FAF2: variants seen among roughly 807,000 people sequenced by gnomAD.
FAF2 encodes the protein Fas associated factor family member 2.
Under a neutral mutation model 62.3 loss-of-function variants are expected in FAF2, and 9 were observed. The ratio of observed to expected loss-of-function variants is 0.14; its 90% confidence interval spans 0.09 to 0.25. The LOEUF (loss-of-function observed/expected upper bound fraction) is 0.25, where lower values mean the gene tolerates loss of function less well. Ranked by LOEUF, FAF2 falls within the 10% of genes least tolerant of loss-of-function variation. The pLI is 1.00. For missense variants in FAF2, 368 were observed against 556.2 expected (o/e 0.66, Z 3.40); for synonymous variants, 202 against 198.0 (o/e 1.02, Z -0.17).
At chr5:176,453,819 G>C (rs1265696018) in intron 1 of FAF2, 1 of 152,094 alleles carries the variant, frequency 6.6e-6, no homozygotes, top group Non-Finnish European at 1.5e-5. Context: ...ACTTTGGGAG[G>C]CCGAGGCTGG....
At chr5:176,497,775 T>G (rs1755523544) in intron 8 of FAF2, among the ~76,000 whole-genome samples, 1 of 152,172 alleles carries the variant, frequency 6.6e-6, no homozygotes, top group Non-Finnish European at 1.5e-5. Flanking sequence ...AATGCCAACT[T>G]GCCCTCAAGA....
intron 1 of FAF2, among the ~76,000 whole-genome samples, chr5:176,458,408 CTTTTTT>C (rs751775026): frequency 9.3e-5 from 8 of 86,390 alleles, no homozygotes; most frequent in Middle Eastern, 0.014. Flanking sequence ...CTTTTTCTTC[CTTTTTT>C]TTTTTTTTTT....
At position 176,465,369 on chromosome 5, in the gene FAF2, T is replaced by TC. The variant is rs199645936; in HGVS notation, c.64-13819_64-13818insC. Among the ~76,000 whole-genome samples the TC allele has an allele frequency of 2.9e-3, 407 of 138,612 alleles. 1 individual carries two copies. Among genetic ancestry groups the TC allele is most frequent in the African/African-American group, 9.8e-3 (388 of 39,472 alleles). 90.9% of individuals were successfully genotyped at this position (138,612 alleles called of 152,430 possible). A position where few individuals can be genotyped will look rare whatever the true frequency, so the allele number is the denominator to read the frequency against. ...AACTGAAATTTTCTTTTTCTTTCTT[T>TC]TTTTTTTTTTTTTTTGAGTTGGAGT... On this transcript the variant is annotated intron_variant, in intron 1 of 10. Coordinates refer to ENST00000261942, the MANE Select transcript of FAF2 (RefSeq NM_014613.3).
At chr5:176,499,346 C>T (rs59557213) in intron 9 of FAF2, among the ~76,000 whole-genome samples, 2 of 152,260 alleles carry the variant, frequency 1.3e-5, no homozygotes, top group Admixed American at 6.5e-5. Context: ...AGGCTGCTCT[C>T]GAACTCCTGA....
intron 1 of FAF2, among the ~76,000 whole-genome samples, chr5:176,475,712 G>A (rs1758676668): frequency 6.6e-6 from 1 of 152,006 alleles, no homozygotes; most frequent in African/African-American, 2.4e-5. Context: ...AGGTTGCAGT[G>A]AGCCGAGACC....
intron 1 of FAF2, among the ~76,000 whole-genome samples, chr5:176,462,288 G>GA (rs1394172107): frequency 6.6e-6 from 1 of 151,428 alleles, no homozygotes; most frequent in East Asian, 2.0e-4. Flanking sequence ...AACAAAACAA[G>GA]AAAAAAGAGT....
chr5:176,459,313 C>T (rs1432968031), intron 1 of FAF2, among the ~76,000 whole-genome samples: 1 of 141,418 alleles, frequency 7.1e-6, no homozygotes, highest in African/African-American at 2.7e-5. Flanking sequence ...GGCTGGAGTG[C>T]AGTGGCTCAT....
At chr5:176,475,800 A>G (rs956284681) in intron 1 of FAF2, among the ~76,000 whole-genome samples, 6 of 152,002 alleles carry the variant, frequency 3.9e-5, no homozygotes, top group African/African-American at 1.2e-4. Context: ...TATCAATACC[A>G]CGGATTTCCC....
At chr5:176,504,213 C>T (rs998981749) in intron 10 of FAF2, among the ~76,000 whole-genome samples, 1 of 151,870 alleles carries the variant, frequency 6.6e-6, no homozygotes, top group South Asian at 2.1e-4. Flanking sequence ...TGGTGGTTCA[C>T]GCCTCTAATC....
chr5:176,464,813 G>T (rs1322845589), intron 1 of FAF2, among the ~76,000 whole-genome samples: 1 of 151,556 alleles, frequency 6.6e-6, no homozygotes, highest in Non-Finnish European at 1.5e-5. Context: ...TTTTCTAGAA[G>T]CAGAACCTTT....
chr5:176,472,006 G>GTTAAGT (rs761478920), intron 1 of FAF2, among the ~76,000 whole-genome samples: 2 of 151,848 alleles, frequency 1.3e-5, no homozygotes, highest in African/African-American at 4.8e-5. Context: ...CATCACCTGT[G>GTTAAGT]TTAAGTTCCC....
chr5:176,501,128 AAAAT>A (rs981930227), intron 10 of FAF2, among the ~76,000 whole-genome samples: 2 of 149,240 alleles, frequency 1.3e-5, no homozygotes, highest in Admixed American at 6.8e-5. Context: ...GTAAAAAAAA[AAAAT>A]AAATAATAAT....
rs1295693893 is a variant in FAF2, at chr5:176,448,591, T to A, written c.63+121T>A. The stretch of plus-strand genomic sequence containing the variant: ...TTCTCAGACCAGCAGGCCGGCCCCC[T>A]CCCCCCCAGACTCCAACTGCCCTGA... On this transcript the variant is annotated intron_variant, in intron 1 of 10. Transcript: ENST00000261942. 4 of 927,122 alleles carry A rather than the reference T, an allele frequency of 4.3e-6. No homozygotes were observed. The African/African-American group carries it at 8.2e-5, about 19-fold the overall frequency. 57.4% of individuals were successfully genotyped at this position (927,122 alleles called of 1,614,324 possible).
intron 8 of FAF2, among the ~76,000 whole-genome samples, 182 bp from the exon 9 acceptor site, chr5:176,498,732 G>C (rs965962653): frequency 6.6e-6 from 1 of 152,058 alleles, no homozygotes; most frequent in African/African-American, 2.4e-5. Context: ...TGAGAAAAAA[G>C]GTGGCTTATT....
chr5:176,479,116 T>C (rs1381466430), intron 1 of FAF2, 72 bp from the exon 2 acceptor site: 2 of 1,172,626 alleles, frequency 1.7e-6, no homozygotes, highest in African/African-American at 3.0e-5. Flanking sequence ...CCTAGCAGTA[T>C]ATGGCGTAAA....
intron 1 of FAF2, among the ~76,000 whole-genome samples, chr5:176,462,441 T>G (rs1758393594): frequency 6.6e-6 from 1 of 151,726 alleles, no homozygotes; most frequent in Non-Finnish European, 1.5e-5. Flanking sequence ...CTGGCCAACA[T>G]GGTGAAACCC....
At chr5:176,467,831 G>T (rs1758497946) in intron 1 of FAF2, among the ~76,000 whole-genome samples, 1 of 152,208 alleles carries the variant, frequency 6.6e-6, no homozygotes, top group Non-Finnish European at 1.5e-5. Flanking sequence ...TCCTGACACA[G>T]AGTAGGAATA....
chr5:176,490,586 G>T (rs1026515308), intron 4 of FAF2, among the ~76,000 whole-genome samples: 2 of 152,030 alleles, frequency 1.3e-5, no homozygotes, highest in Non-Finnish European at 2.9e-5. Flanking sequence ...TAAGTACAAG[G>T]GTCAGATAGT....
chr5:176,481,452 A>T (rs1266721523), intron 2 of FAF2, among the ~76,000 whole-genome samples: 2 of 152,010 alleles, frequency 1.3e-5, no homozygotes, highest in East Asian at 2.0e-4. Context: ...GGTCAGGAGA[A>T]CGAGATCATC....
Sources: allele counts gnomAD v4.1 joint callset (sites outside exome capture counted in the v4.1 genomes callset), GRCh38; gene constraint gnomAD v4.1.1; transcripts MANE v1.5; gene names NCBI Gene and HGNC (gene_info 2026-07-23, HGNC 2026-07-21).